The following ADAMTS17 variants were observed in gnomAD, a reference collection of about 807,000 sequenced individuals.
The protein encoded by ADAMTS17 is A disintegrin and metalloproteinase with thrombospondin motifs 17.
Under a neutral mutation model 141.5 loss-of-function variants are expected in ADAMTS17, and 113 were observed. The ratio of observed to expected loss-of-function variants is 0.80; its 90% confidence interval spans 0.69 to 0.93. ADAMTS17 has a LOEUF of 0.93. ADAMTS17 is among the 40% of genes least tolerant of loss of function. The pLI is 0.00. For missense variants in ADAMTS17, 1,659 were observed against 1,517.9 expected, an observed-to-expected ratio of 1.09 and a Z score of -1.54; for synonymous variants, 768 against 630.6, an observed-to-expected ratio of 1.22 and a Z score of -3.27.
intron 7 of ADAMTS17, among the ~76,000 whole-genome samples, chr15:100,231,721 T>C (rs1015785350): frequency 1.3e-5 from 2 of 152,152 alleles, no homozygotes; most frequent in South Asian, 2.1e-4. Flanking sequence ...GGTGCCGGTT[T>C]TTCTTGAACT....
intron 15 of ADAMTS17, among the ~76,000 whole-genome samples, chr15:100,056,958 G>A (rs557727602): frequency 1.3e-5 from 2 of 152,202 alleles, no homozygotes; most frequent in South Asian, 4.1e-4. Context: ...GGCAGATGGG[G>A]AAGGCTTCCT....
intron 1 of ADAMTS17, among the ~76,000 whole-genome samples, 179 bp downstream of exon 1, chr15:100,341,642 G>A (rs2046370183): frequency 1.3e-5 from 2 of 150,864 alleles, no homozygotes; most frequent in South Asian, 4.1e-4. Context: ...AGACCCGGCG[G>A]CGGCGCGCCT....
chr15:99,976,071 G>C lies in ADAMTS17; in HGVS notation c.3101C>G (p.Ala1034Gly). 1 of 1,551,554 alleles carries C rather than the reference G, an allele frequency of 6.4e-7. No individual in the cohort carries two copies. Among genetic ancestry groups the C allele is most frequent in the African/African-American group, 1.4e-5 (1 of 73,192 alleles). ...AAGGCGGGGGGAGGTGATGGTGTTG[G>C]CGTTGATCCTGTCGTTGCAGACCTC... The part of the protein sequence containing the change: ...YQEVCNDRIN[A>G]NTITSPRLAA... The change falls in exon 21 of 22, where the codon GCC (alanine) becomes GGC (glycine). Residue 1034 changes from alanine (A) to glycine (G), a missense_variant. Ala to Gly is a moderately conservative substitution (Grantham distance 60). Transcript: ENST00000268070.
chr15:100,160,025 C>T (rs953662007), intron 8 of ADAMTS17, among the ~76,000 whole-genome samples: 3 of 151,084 alleles, frequency 2.0e-5, no homozygotes, highest in African/African-American at 7.3e-5. Flanking sequence ...CTCAAATACC[C>T]CACTCAGAAA....
intron 18 of ADAMTS17, among the ~76,000 whole-genome samples, chr15:100,001,701 T>C (rs1254792397): frequency 2.0e-5 from 3 of 152,100 alleles, no homozygotes; most frequent in Non-Finnish European, 4.4e-5. Flanking sequence ...CCGGGCACAG[T>C]GGCTCACACC....
intron 14 of ADAMTS17, among the ~76,000 whole-genome samples, chr15:100,098,167 G>A (rs936738751): frequency 1.3e-5 from 2 of 152,148 alleles, no homozygotes; most frequent in African/African-American, 2.4e-5. Flanking sequence ...GGAGATGTAG[G>A]TAACACATCA....
At chr15:100,210,230 CAAAAAAAAAAAAAAA>C (rs34086690) in intron 7 of ADAMTS17, among the ~76,000 whole-genome samples, 3 of 31,184 alleles carry the variant, frequency 9.6e-5, no homozygotes, top group South Asian at 1.9e-3. Flanking sequence ...GACTCCATCT[CAAAAAAAAAAAAAAA>C]AAAAAAAAAA....
intron 7 of ADAMTS17, among the ~76,000 whole-genome samples, chr15:100,230,719 T>C (rs2141844615): frequency 6.6e-6 from 1 of 152,344 alleles, no homozygotes; most frequent in Admixed American, 6.5e-5. Flanking sequence ...AAGCATTTAT[T>C]GTTTAAATGA....
At chr15:100,269,032 A>G (rs528942157) in intron 4 of ADAMTS17, among the ~76,000 whole-genome samples, 1 of 152,334 alleles carries the variant, frequency 6.6e-6, no homozygotes, top group East Asian at 1.9e-4. Flanking sequence ...AGCAATAGGG[A>G]AAAGACTCCC....
intron 2 of ADAMTS17, among the ~76,000 whole-genome samples, chr15:100,340,049 T>C (rs551754070): frequency 2.6e-4 from 40 of 152,186 alleles, no homozygotes; most frequent in Non-Finnish European, 4.6e-4. Flanking sequence ...CAAACTAATA[T>C]CAGAAACTGC....
intron 20 of ADAMTS17, among the ~76,000 whole-genome samples, chr15:99,988,234 G>A (rs894609978): frequency 1.3e-5 from 2 of 152,056 alleles, no homozygotes; most frequent in African/African-American, 2.4e-5. Flanking sequence ...TCTGGGTCAC[G>A]GGCACGAGTC....
At chr15:100,105,436 CCTGGGGATGGAGTGACAT>C (rs1214898171) in intron 14 of ADAMTS17, among the ~76,000 whole-genome samples, 2 of 152,138 alleles carry the variant, frequency 1.3e-5, no homozygotes, top group South Asian at 2.1e-4. Flanking sequence ...ACAGGCTGGT[CCTGGGGATGGAGTGACAT>C]CTGGGGATGG....
intron 8 of ADAMTS17, among the ~76,000 whole-genome samples, chr15:100,161,445 G>C (rs2141410241): frequency 6.6e-6 from 1 of 152,248 alleles, no homozygotes; most frequent in South Asian, 2.1e-4. Context: ...TGAAGAGCTT[G>C]GGCTCCCGTG....
At chr15:100,158,823 G>A (rs529049603) in intron 8 of ADAMTS17, among the ~76,000 whole-genome samples, 3 of 152,224 alleles carry the variant, frequency 2.0e-5, no homozygotes, top group African/African-American at 4.8e-5. Context: ...TTGAGAAGAC[G>A]TTTCTCTAAA....
intron 12 of ADAMTS17, among the ~76,000 whole-genome samples, chr15:100,122,668 G>C (rs769253264): frequency 1.3e-5 from 2 of 152,172 alleles, no homozygotes; most frequent in Non-Finnish European, 2.9e-5. Flanking sequence ...TAGGTTATAT[G>C]TGTTTTATAC....
At chr15:100,115,638 T>C (rs1325953147) in intron 13 of ADAMTS17, among the ~76,000 whole-genome samples, 3 of 152,192 alleles carry the variant, frequency 2.0e-5, no homozygotes, top group African/African-American at 7.2e-5. Flanking sequence ...CGGGCCCACC[T>C]TCACACAGCT....
intron 18 of ADAMTS17, among the ~76,000 whole-genome samples, chr15:100,023,607 A>AAAGCCTGGT (rs761390850): frequency 6.6e-6 from 1 of 152,076 alleles, no homozygotes; most frequent in Non-Finnish European, 1.5e-5. Context: ...TTCATCCACA[A>AAAGCCTGGT]AAGCCTGGTC....
chr15:100,338,009 T>C (rs900438949), intron 2 of ADAMTS17, among the ~76,000 whole-genome samples: 1 of 152,236 alleles, frequency 6.6e-6, no homozygotes, highest in Non-Finnish European at 1.5e-5. Flanking sequence ...TTTGAAATGA[T>C]ATGCTCATAG....
At chr15:100,267,501 G>T (rs537138625) in intron 4 of ADAMTS17, among the ~76,000 whole-genome samples, 1 of 152,088 alleles carries the variant, frequency 6.6e-6, no homozygotes, top group Non-Finnish European at 1.5e-5. Context: ...TATTTTCGTG[G>T]TAAGTCTAAA....
Sources: gnomAD v4.1 joint callset for allele counts (sites outside exome capture counted in the v4.1 genomes callset) on GRCh38, gnomAD v4.1.1 for gene constraint, MANE v1.5 for transcripts, NCBI Gene and HGNC (gene_info 2026-07-23, HGNC 2026-07-21) for gene names.